ITGB5: variants seen among roughly 807,000 people sequenced by gnomAD.
ITGB5 encodes integrin subunit beta 5.
A neutral mutation model predicts 84.8 loss-of-function variants in ITGB5; 38 were observed. That is an observed-to-expected ratio of 0.45 (90% CI 0.35 to 0.59). The LOEUF (loss-of-function observed/expected upper bound fraction) is 0.59, where lower values mean the gene tolerates loss of function less well. Among genes scored for constraint, ITGB5 ranks in the 20% least tolerant of loss-of-function variants. The pLI, the probability that ITGB5 is intolerant of heterozygous loss-of-function variation, is 0.01. For synonymous variants in ITGB5, 393 were observed against 414.4 expected (o/e 0.95, Z 0.63); for missense variants, 905 against 1,034.5 (o/e 0.87, Z 1.72).
chr3:124,882,175 G>A (rs115999145), intron 1 of ITGB5, among the ~76,000 whole-genome samples: 1,963 of 152,270 alleles, frequency 0.013, 58 homozygotes, highest in African/African-American at 0.043. Flanking sequence ...TGGTGCTGTT[G>A]TAGGCATGGA....
chr3:124,790,615 T>C (rs2064136427), intron 10 of ITGB5, among the ~76,000 whole-genome samples: 1 of 152,210 alleles, frequency 6.6e-6, no homozygotes. Flanking sequence ...CTTTGCTAAA[T>C]CGGCCGGGAA....
At chr3:124,766,555 G>C (rs1341872680) in intron 12 of ITGB5, among the ~76,000 whole-genome samples, 2 of 152,220 alleles carry the variant, frequency 1.3e-5, no homozygotes, top group Non-Finnish European at 2.9e-5. Flanking sequence ...TGGCTTTGGG[G>C]ACACGTGGAA....
intron 14 of ITGB5, 119 bp from the exon 15 acceptor site, chr3:124,763,837 C>T: frequency 1.6e-6 from 1 of 631,062 alleles, no homozygotes; most frequent in East Asian, 2.8e-5. Context: ...GCAGGCAGAG[C>T]ACTCAGGAGG....
At chr3:124,769,288 C>A in intron 11 of ITGB5, 175 bp from the exon 12 acceptor site, 1 of 585,532 alleles carries the variant, frequency 1.7e-6, no homozygotes, top group Non-Finnish European at 3.0e-6. Flanking sequence ...GGAGGAAGCC[C>A]AAGGGTTCTT....
chr3:124,813,367 T>C (rs756273031), intron 8 of ITGB5, among the ~76,000 whole-genome samples: 13 of 152,216 alleles, frequency 8.5e-5, no homozygotes, highest in Non-Finnish European at 1.3e-4. Flanking sequence ...TGGTTGGTTA[T>C]CTTCTAATTC....
chr3:124,887,114 G>T lies in ITGB5; in HGVS notation c.-114C>A. 4.5e-6 allele frequency: 1 copy of T among 223,814 alleles called. No homozygotes were observed. The highest frequency in any genetic ancestry group is 7.3e-6 in the Non-Finnish European group (1 of 136,540). 13.9% of individuals were successfully genotyped at this position (223,814 alleles called of 1,614,324 possible). A position where few individuals can be genotyped will look rare whatever the true frequency, so the allele number is the denominator to read the frequency against. On this transcript the variant is annotated 5_prime_UTR_variant, in exon 1 of 15. Transcript: ENST00000296181. ...GCCGGGGGCCGCAGCCGCATGCCCC[G>T]CGCGCAGCTCCGGCTCACGGCGCCC... is the stretch of plus-strand genomic sequence containing the variant.
intron 1 of ITGB5, among the ~76,000 whole-genome samples, chr3:124,897,222 T>C (rs1036911036): frequency 3.3e-5 from 5 of 152,240 alleles, no homozygotes; most frequent in Admixed American, 2.6e-4. Flanking sequence ...CAGAATGTTT[T>C]CCTCCATGTC....
chr3:124,762,300 T>G lies in ITGB5; in HGVS notation c.*1323A>C, dbSNP rs968560897. 2.0e-5 allele frequency: 3 copies of G among 152,144 alleles called. No homozygotes were observed. The highest frequency in any genetic ancestry group is 4.4e-5 in the Non-Finnish European group (3 of 68,028). The allele number at this position is 152,144 out of a possible 1,614,324, so 9.4% of individuals were successfully genotyped here. A position where few individuals can be genotyped will look rare whatever the true frequency, so the allele number is the denominator to read the frequency against. ...TGACAAAAAATGATCAGTGAAAGAT[T>G]TTCTAAGAGCAAGCAGGAATGAGGA... On this transcript the variant is annotated 3_prime_UTR_variant, in exon 15 of 15. Coordinates refer to ENST00000296181, the MANE Select transcript of ITGB5 (RefSeq NM_002213.5).
chr3:124,768,162 G>A (rs1328463358), intron 12 of ITGB5, among the ~76,000 whole-genome samples: 2 of 152,194 alleles, frequency 1.3e-5, no homozygotes, highest in Non-Finnish European at 2.9e-5. Flanking sequence ...GACCAAGACA[G>A]ACAGGCAGCT....
At chr3:124,806,424 A>ATT (rs71145488) in intron 9 of ITGB5, among the ~76,000 whole-genome samples, 1,307 of 72,810 alleles carry the variant, frequency 0.018, 198 homozygotes, top group African/African-American at 0.049. Context: ...GCCTCATTCC[A>ATT]TTTTTTTTTT....
intron 5 of ITGB5, chr3:124,833,095 T>C (rs573339715): frequency 6.6e-6 from 1 of 152,210 alleles, no homozygotes; most frequent in African/African-American, 2.4e-5. Flanking sequence ...ATATCTTTTT[T>C]AAAAAAATCT....
At chr3:124,836,233 A>G (rs2064933544) in intron 5 of ITGB5, among the ~76,000 whole-genome samples, 1 of 151,654 alleles carries the variant, frequency 6.6e-6, no homozygotes, top group Non-Finnish European at 1.5e-5. Context: ...AAAATTCAAC[A>G]GGCTGTGTGC....
intron 3 of ITGB5, among the ~76,000 whole-genome samples, chr3:124,854,307 G>C (rs2065194174): frequency 6.6e-6 from 1 of 152,164 alleles, no homozygotes; most frequent in Non-Finnish European, 1.5e-5. Flanking sequence ...TTGCCCCAAA[G>C]TATAGGGTGT....
chr3:124,797,022 A>G (rs1253318696), intron 9 of ITGB5, among the ~76,000 whole-genome samples: 1 of 152,206 alleles, frequency 6.6e-6, no homozygotes. Context: ...TGCACAGGTG[A>G]GCTCACATTT....
rs139416535 is a variant in ITGB5 at position 124,811,426 on chromosome 3, A to T, written c.1129-2270T>A. Among the ~76,000 whole-genome samples the T allele has an allele frequency of 7.7e-4, 117 of 152,348 alleles. 1 individual carries two copies. In the East Asian group the frequency reaches 0.022, roughly 28 times the overall value. ...GAATAAGTAGTGGAGGAAATAAAAC[A>T]GTATTGTAAAAGAGCTGAAGAGTGA... is the stretch of plus-strand genomic sequence containing the variant. On this transcript the variant is annotated intron_variant, in intron 8 of 14. Coordinates refer to ENST00000296181, the MANE Select transcript of ITGB5 (RefSeq NM_002213.5).
At chr3:124,864,784 G>A (rs533541659) in intron 2 of ITGB5, among the ~76,000 whole-genome samples, 16 of 152,182 alleles carry the variant, frequency 1.1e-4, no homozygotes, top group Middle Eastern at 6.8e-3. Context: ...TCACATGAAT[G>A]ACATCCTGAT....
At chr3:124,851,218 A>G (rs1429038239) in intron 3 of ITGB5, among the ~76,000 whole-genome samples, 3 of 152,182 alleles carry the variant, frequency 2.0e-5, no homozygotes, top group Non-Finnish European at 4.4e-5. Context: ...CCTGTCACCA[A>G]GGACTAGGGA....
chr3:124,871,512 G>A (rs1345674013), intron 2 of ITGB5, among the ~76,000 whole-genome samples: 1 of 152,064 alleles, frequency 6.6e-6, no homozygotes, highest in East Asian at 1.9e-4. Context: ...TCTTAAAAAC[G>A]ATAAAACAAG....
At chr3:124,898,756 C>T (rs565723861) in intron 1 of ITGB5, among the ~76,000 whole-genome samples, 13 of 134,502 alleles carry the variant, frequency 9.7e-5, no homozygotes, top group Non-Finnish European at 1.9e-4. Flanking sequence ...ACAGCAAAAC[C>T]GCAAAACCCC....
Sources: allele counts gnomAD v4.1 joint callset (sites outside exome capture counted in the v4.1 genomes callset), GRCh38; gene constraint gnomAD v4.1.1; transcripts MANE v1.5; gene names NCBI Gene and HGNC (gene_info 2026-07-23, HGNC 2026-07-21).